Variants in ADGRB2 observed in about 807,000 individuals in gnomAD.
ADGRB2 encodes adhesion G protein-coupled receptor B2.
Under a neutral mutation model 178.7 loss-of-function variants are expected in ADGRB2, and 47 were observed. The observed-to-expected ratio is 0.26, with a 90% CI of 0.21 to 0.34. The LOEUF (loss-of-function observed/expected upper bound fraction) is 0.34. Among genes scored for constraint, ADGRB2 ranks in the 10% least tolerant of loss-of-function variants. The pLI is 1.00. For synonymous variants in ADGRB2, 870 were observed against 912.4 expected (o/e 0.95, Z 0.84); for missense variants, 1,584 against 2,180.8 (o/e 0.73, Z 5.45).
At position 31,764,143 on chromosome 1, in the gene ADGRB2, C is replaced by CCCCCCGCT. The variant is rs1323267306; in HGVS notation, c.-458_-451dup. ...CCGCCGCCGCCTCCTTGCCGCGCCGCCCCCCGCTCCCCCGCTCCCCCGCCC... is the reference window on the plus strand; with the variant it reads ...CCGCCGCCGCCTCCTTGCCGCGCCGCCCCCCGCTCCCCCGCTCCCCCGCTCCCCCGCCC... On this transcript the variant is annotated 5_prime_UTR_variant, in exon 1 of 33. Coordinates refer to ENST00000373658, the MANE Select transcript of ADGRB2 (RefSeq NM_001364857.2). The surrounding 1 kb of genome is among the most constrained non-coding windows in gnomAD (Gnocchi z 7.3). The CCCCCCGCT allele has an allele frequency of 8.3e-5, 60 of 723,462 alleles. No homozygotes were observed. Among genetic ancestry groups the CCCCCCGCT allele is most frequent in the African/African-American group, 7.1e-4 (36 of 51,002 alleles). The allele number at this position is 723,462 out of a possible 1,614,324, so 44.8% of individuals were successfully genotyped here.
intron 4 of ADGRB2, among the ~76,000 whole-genome samples, chr1:31,750,709 C>G (rs1202765500): frequency 6.6e-6 from 1 of 152,078 alleles, no homozygotes; most frequent in African/African-American, 2.4e-5. Context: ...CTGTCATGTC[C>G]CCCCATGGCA....
chr1:31,730,968 C>G lies in ADGRB2; in HGVS notation c.4212G>C (p.Ser1404=). The G allele has an allele frequency of 6.4e-7, 1 of 1,564,990 alleles. No homozygotes were observed. The highest frequency in any genetic ancestry group is 8.7e-7 in the Non-Finnish European group (1 of 1,152,508). ...GYPSFLSVDH[S]GLGLGPAYGS... is the part of the protein sequence containing the mutation. ...CATAGGCAGGGCCCAGCCCCAGGCC[C>G]GAGTGGTCCACGGACAGGAAGCTGG... The change falls in exon 29 of 33, where the codon TCG becomes TCC. Residue 1404 remains serine (S), a synonymous_variant. Transcript: ENST00000373658.
intron 27 of ADGRB2, 119 bp from the exon 28 acceptor site, chr1:31,732,273 G>T: frequency 7.0e-7 from 1 of 1,425,104 alleles, no homozygotes; most frequent in Non-Finnish European, 9.8e-7. Context: ...GGCTGCCCAT[G>T]GCCCATAGCC....
At chr1:31,757,159 C>G (rs1646881086) in intron 3 of ADGRB2, 42 bp downstream of exon 3, 1 of 1,614,160 alleles carries the variant, frequency 6.2e-7, no homozygotes, top group African/African-American at 1.3e-5. Context: ...CCATCAACTA[C>G]AAGCATATTC....
chr1:31,746,167 C>A (rs981420802), intron 4 of ADGRB2, among the ~76,000 whole-genome samples: 2 of 152,178 alleles, frequency 1.3e-5, no homozygotes, highest in Admixed American at 6.5e-5. Context: ...ATACTCCGCC[C>A]CCAGGACTCA....
chr1:31,733,192 G>A lies in ADGRB2; in HGVS notation c.3453-49C>T, dbSNP rs1353777200. 9.7e-6 allele frequency: 15 copies of A among 1,538,632 alleles called. No individual in the cohort carries two copies. Among genetic ancestry groups the A allele is most frequent in the Non-Finnish European group, 1.3e-5 (15 of 1,140,604 alleles). On this transcript the variant is annotated intron_variant, in intron 25 of 32. Transcript: ENST00000373658. This position sits in a 1 kb window ranked among gnomAD's most constrained non-coding sequence, Gnocchi z 4.3. ...ATCAGAGTGACACTCCGGGGGACAG[G>A]ATGGCTTGAGCCTAGGCCTCCACTC...
chr1:31,754,422 A>T lies in ADGRB2; in HGVS notation c.838+1577T>A, dbSNP rs944442691. On this transcript the variant is annotated intron_variant, in intron 4 of 32. Coordinates refer to ENST00000373658, the MANE Select transcript of ADGRB2 (RefSeq NM_001364857.2). This position sits in a 1 kb window ranked among gnomAD's most constrained non-coding sequence, Gnocchi z 5.7. ...ATGGGGGAGACCCCCACAGAGTGAC[A>T]GGCAGTGGTGGCCATGCAGGAAGAG... Among the ~76,000 whole-genome samples, 2 of 152,272 alleles carry T rather than the reference A, an allele frequency of 1.3e-5. No individual in the cohort carries two copies. Among genetic ancestry groups the T allele is most frequent in the African/African-American group, 4.8e-5 (2 of 41,484 alleles).
intron 4 of ADGRB2, among the ~76,000 whole-genome samples, chr1:31,746,469 C>T (rs1646277151): frequency 1.3e-5 from 2 of 152,158 alleles, no homozygotes; most frequent in African/African-American, 2.4e-5. Flanking sequence ...CTACCCTCTC[C>T]ACGCCCACCC....
chr1:31,742,305 T>G, intron 7 of ADGRB2, 88 bp from the exon 8 acceptor site: 1 of 1,497,886 alleles, frequency 6.7e-7, no homozygotes, highest in Non-Finnish European at 8.9e-7. Context: ...ACCCAGAGCC[T>G]GCTAGGCATT....
chr1:31,761,745 AG>A lies in ADGRB2; in HGVS notation c.-191+2138del, dbSNP rs2149077808. On this transcript the variant is annotated intron_variant, in intron 1 of 32. Transcript: ENST00000373658. The surrounding 1 kb of genome is among the most constrained non-coding windows in gnomAD (Gnocchi z 4.2). ...TTTATTATACTGGGGGTTGGAGTGA[AG>A]GCACTGGAACCTGTTTTTCATTTTT... Among the ~76,000 whole-genome samples, 1 of 152,296 alleles carries A rather than the reference AG, an allele frequency of 6.6e-6. No homozygotes were observed. Among genetic ancestry groups the A allele is most frequent in the African/African-American group, 2.4e-5 (1 of 41,556 alleles).
intron 4 of ADGRB2, among the ~76,000 whole-genome samples, chr1:31,746,913 T>C (rs12035217): frequency 0.16 from 24,692 of 152,180 alleles, 4,497 homozygotes; most frequent in African/African-American, 0.45. Flanking sequence ...TCTGACCCTC[T>C]GTTTCCCTCC....
At position 31,739,710 on chromosome 1, in the gene ADGRB2, G is replaced by A; in HGVS notation, c.2168-75C>T. On this transcript the variant is annotated intron_variant, in intron 14 of 32. Transcript: ENST00000373658. ...GGGTGGCAGACCAGGGGAAGAGACAGATGTAGGGGAAACACGTACCAGGAA... is the reference window on the plus strand; with the variant it reads ...GGGTGGCAGACCAGGGGAAGAGACAAATGTAGGGGAAACACGTACCAGGAA... 4 of 1,475,442 alleles carry A rather than the reference G, an allele frequency of 2.7e-6. No homozygotes were observed. In the South Asian group the frequency reaches 5.3e-5, roughly 19 times the overall value. The allele number at this position is 1,475,442 out of a possible 1,614,324, so 91.4% of individuals were successfully genotyped here.
In ADGRB2 at chr1:31,741,587, G is replaced by T. The variant is rs774996510; in HGVS notation, c.1687+37C>A. On this transcript the variant is annotated intron_variant, in intron 10 of 32. Coordinates refer to ENST00000373658, the MANE Select transcript of ADGRB2 (RefSeq NM_001364857.2). The surrounding 1 kb of genome is among the most constrained non-coding windows in gnomAD (Gnocchi z 6.5). The stretch of plus-strand genomic sequence containing the variant: ...GCAGAAGGGGGCAATGAGAATGGCA[G>T]GGGTGGTGGTGGTGGGGAAAGCCAC... 1.2e-6 allele frequency: 2 copies of T among 1,607,882 alleles called. No homozygotes were observed. The highest frequency in any genetic ancestry group is 2.7e-5 in the African/African-American group (2 of 74,818).
At chr1:31,762,901 C>G (rs1032709261) in intron 1 of ADGRB2, among the ~76,000 whole-genome samples, 7 of 152,202 alleles carry the variant, frequency 4.6e-5, no homozygotes. Context: ...CCGGGCGCCC[C>G]TCCCCCCGGC....
chr1:31,756,890 G>A lies in ADGRB2; in HGVS notation c.22-75C>T, dbSNP rs1283943567. 1.8e-5 allele frequency: 24 copies of A among 1,369,602 alleles called. No individual in the cohort carries two copies. Among genetic ancestry groups the A allele is most frequent in the South Asian group, 3.1e-5 (2 of 64,880 alleles). 84.8% of individuals were successfully genotyped at this position (1,369,602 alleles called of 1,614,324 possible). A position where few individuals can be genotyped will look rare whatever the true frequency, so the allele number is the denominator to read the frequency against. On this transcript the variant is annotated intron_variant, in intron 3 of 32. Transcript: ENST00000373658. The surrounding 1 kb of genome is among the most constrained non-coding windows in gnomAD (Gnocchi z 8.5). ...CTCTGAACCTTCTATGGTGAGCTGC[G>A]GGAGTGGGCCTCATAAGTTAAGACC... is the stretch of plus-strand genomic sequence containing the variant.
At chr1:31,731,698 G>A (rs888055116) in intron 28 of ADGRB2, among the ~76,000 whole-genome samples, 1 of 152,130 alleles carries the variant, frequency 6.6e-6, no homozygotes, top group Non-Finnish European at 1.5e-5. Flanking sequence ...CAGCCCCACG[G>A]CTGTCAAAGG....
At chr1:31,737,590 G>C in intron 19 of ADGRB2, 59 bp from the exon 20 acceptor site, 1 of 1,611,132 alleles carries the variant, frequency 6.2e-7, no homozygotes, top group Non-Finnish European at 8.5e-7. Flanking sequence ...ACCTGGTGTG[G>C]CTGGCCACCT....
In ADGRB2 at chr1:31,758,672, G is replaced by GA. The variant is rs1646945404; in HGVS notation, c.-190-1162dup. 6.4e-6 allele frequency: 1 copy of GA among 155,502 alleles called. No homozygotes were observed. The highest frequency in any genetic ancestry group is 1.5e-5 in the Non-Finnish European group (1 of 68,724). 9.6% of individuals were successfully genotyped at this position (155,502 alleles called of 1,614,324 possible). On this transcript the variant is annotated intron_variant, in intron 1 of 32. Coordinates refer to ENST00000373658, the MANE Select transcript of ADGRB2 (RefSeq NM_001364857.2). This position sits in a 1 kb window ranked among gnomAD's most constrained non-coding sequence, Gnocchi z 4.2. ...TCCCAGCCATACAGGGGCTGGGGGA[G>GA]ATGGTGGAGTAGCTCCAGGCAGACC...
Position 31,756,403 on chromosome 1 carries a change from G to A in ADGRB2, c.434C>T (p.Ser145Leu), listed in dbSNP as rs1646834435. 1.9e-6 allele frequency: 3 copies of A among 1,612,874 alleles called. No homozygotes were observed. Among genetic ancestry groups the A allele is most frequent in the African/African-American group, 2.7e-5 (2 of 74,950 alleles). Reference protein sequence around the residue: ...AAAGLELCSGSGPFTFLHFDK... With the variant: ...AAAGLELCSGLGPFTFLHFDK... The stretch of plus-strand genomic sequence containing the variant: ...GAAGTGCAGGAAGGTAAAGGGGCCT[G>A]AGCCGCTGCACAGCTCCAACCCCGC... Residue 145 changes from serine to leucine, a missense_variant, in exon 4 of 33, where the codon TCA (serine) becomes TTA (leucine). Physicochemically the swap from Ser to Leu is moderately radical, Grantham distance 145 (BLOSUM62 -2). This residue lies in a region of ADGRB2 where 657 missense variants were observed against 847.6 expected (regional missense o/e 0.78). Coordinates refer to ENST00000373658, the MANE Select transcript of ADGRB2 (RefSeq NM_001364857.2). The surrounding 1 kb of genome is among the most constrained non-coding windows in gnomAD (Gnocchi z 8.5).
Sources: allele counts gnomAD v4.1 joint callset (sites outside exome capture counted in the v4.1 genomes callset), GRCh38; gene constraint gnomAD v4.1.1; regional missense constraint gnomAD v4.1.1; non-coding constraint Gnocchi (gnomAD v3.1); transcripts MANE v1.5; gene names NCBI Gene and HGNC (gene_info 2026-07-23, HGNC 2026-07-21).